Variants in NMT2 observed in about 807,000 individuals in gnomAD.
The protein encoded by NMT2 is N-myristoyltransferase 2, also known as glycylpeptide N-tetradecanoyltransferase 2.
NMT2 carries 35 observed loss-of-function variants against 65.4 expected under a neutral mutation model. That is an observed-to-expected ratio of 0.54 (90% CI 0.41 to 0.71). The LOEUF is 0.71. Ranked by LOEUF, NMT2 falls within the 30% of genes least tolerant of loss-of-function variation. The pLI is 0.00. For missense variants in NMT2, 489 were observed against 611.3 expected (o/e 0.80, Z 2.11); for synonymous variants, 226 against 231.8 (o/e 0.98, Z 0.23).
chr10:15,112,173 T>C (rs867658020), intron 10 of NMT2, among the ~76,000 whole-genome samples: 11 of 62,340 alleles, frequency 1.8e-4, no homozygotes, highest in South Asian at 6.5e-4. Context: ...AGATATGGGC[T>C]TTATATATAT....
chr10:15,131,939 C>G (rs1257943941), intron 6 of NMT2, among the ~76,000 whole-genome samples: 6 of 152,000 alleles, frequency 3.9e-5, no homozygotes, highest in Non-Finnish European at 5.9e-5. Flanking sequence ...AATCTTGGCT[C>G]ACTGCAATCT....
intron 1 of NMT2, among the ~76,000 whole-genome samples, chr10:15,146,675 G>A (rs968844128): frequency 1.3e-5 from 2 of 152,172 alleles, no homozygotes; most frequent in Admixed American, 6.5e-5. Flanking sequence ...CCTCACCATC[G>A]TCAGAACATG....
intron 8 of NMT2, among the ~76,000 whole-genome samples, chr10:15,119,891 G>A (rs1232038483): frequency 6.6e-6 from 1 of 152,170 alleles, no homozygotes; most frequent in Non-Finnish European, 1.5e-5. Flanking sequence ...ATATACCAAT[G>A]CCAAGAATGT....
chr10:15,112,804 C>T lies in NMT2; in HGVS notation c.1330G>A (p.Ala444Thr), dbSNP rs1359274250. 1.2e-6 allele frequency: 2 copies of T among 1,610,886 alleles called. No individual in the cohort carries two copies. Among genetic ancestry groups the T allele is most frequent in the South Asian group, 2.2e-5 (2 of 90,708 alleles). Residue 444 changes from alanine (A) to threonine (T), a missense_variant, in exon 10 of 12, where the codon GCT (alanine) becomes ACT (threonine). Transcript: ENST00000378165. The part of the protein sequence containing the change: ...LDLMSDALIL[A>T]KSKGFDVFNA... ...AGGAAGGAGTGGCTTACCGATTTAGCCAGGATGAGCGCGTCGCTCATGAGG... is the reference window on the plus strand; with the variant it reads ...AGGAAGGAGTGGCTTACCGATTTAGTCAGGATGAGCGCGTCGCTCATGAGG...
At chr10:15,136,261 A>AAAGGGAAGGG (rs1190998681) in intron 2 of NMT2, among the ~76,000 whole-genome samples, 2 of 144,592 alleles carry the variant, frequency 1.4e-5, no homozygotes, top group African/African-American at 2.6e-5. Flanking sequence ...AAGGGAAGGG[A>AAAGGGAAGGG]AAGGGAAGGG....
intron 3 of NMT2, 27 bp from the exon 4 acceptor site, chr10:15,133,390 G>A (rs1554823134): frequency 5.2e-6 from 8 of 1,537,258 alleles, no homozygotes; most frequent in African/African-American, 2.7e-5. Flanking sequence ...AGAGAAAAAA[G>A]AAAGGCAAAA....
rs751332564 is a variant in NMT2, at chr10:15,128,375, G to A, written c.974C>T (p.Thr325Ile). Residue 325 changes from threonine (T) to isoleucine (I), a missense_variant, in exon 8 of 12, where the codon ACA becomes ATA. Transcript: ENST00000378165. ...HLSRNMTLQRTMKLYRLPDVT... is the reference protein window; with the variant it reads ...HLSRNMTLQRIMKLYRLPDVT... ...ATCTGGAAGTCTGTATAGCTTCATTGTTCTCTGTAAAGTCATATTTCTACT... is the reference window on the plus strand; with the variant it reads ...ATCTGGAAGTCTGTATAGCTTCATTATTCTCTGTAAAGTCATATTTCTACT... 3 of 1,603,718 alleles carry A rather than the reference G, an allele frequency of 1.9e-6. No individual in the cohort carries two copies. In the Admixed American group the frequency reaches 5.0e-5, roughly 27 times the overall value.
chr10:15,147,612 T>TA (rs1421886524), intron 1 of NMT2, among the ~76,000 whole-genome samples: 2 of 151,888 alleles, frequency 1.3e-5, no homozygotes, highest in Non-Finnish European at 2.9e-5. Flanking sequence ...AATATAAAAT[T>TA]AGTTTGCTGC....
intron 1 of NMT2, among the ~76,000 whole-genome samples, chr10:15,165,508 T>TC (rs752684782): frequency 6.6e-6 from 1 of 152,154 alleles, no homozygotes; most frequent in East Asian, 1.9e-4. Context: ...AATCCCTTCT[T>TC]CCCCCATGTT....
Position 15,140,544 on chromosome 10 carries a change from G to C in NMT2, c.246+878C>G, listed in dbSNP as rs1332575930. The stretch of plus-strand genomic sequence containing the variant: ...TCTTTTTTTATTTTTTTCAGCCAGG[G>C]TCTCTCACTGTTGTCCAGGATGAAG... On this transcript the variant is annotated intron_variant, in intron 2 of 11. Coordinates refer to ENST00000378165, the MANE Select transcript of NMT2 (RefSeq NM_004808.3). Among the ~76,000 whole-genome samples, 9 of 149,234 alleles carry C rather than the reference G, an allele frequency of 6.0e-5. No individual in the cohort carries two copies. In the East Asian group the frequency reaches 1.8e-3, roughly 29 times the overall value.
Position 15,141,501 on chromosome 10 carries a change from T to G in NMT2, c.167A>C (p.Lys56Thr). The G allele has an allele frequency of 6.2e-7, 1 of 1,614,212 alleles. No individual in the cohort carries two copies. Among genetic ancestry groups the G allele is most frequent in the Non-Finnish European group, 8.5e-7 (1 of 1,180,014 alleles). The change falls in exon 2 of 12, where the codon AAG becomes ACG. Residue 56 changes from lysine (K) to threonine (T), a missense_variant. Physicochemically the swap from Lys to Thr is moderately conservative, Grantham distance 78. Transcript: ENST00000378165. Reference sequence around the variant, plus strand: ...GGTGCCTCCGGAATTTGGTTTCTCCTTTTTTCTCTTCTGTTTCTTCTTTTT... The same window carrying G: ...GGTGCCTCCGGAATTTGGTTTCTCCGTTTTTCTCTTCTGTTTCTTCTTTTT... ...KKKKKKQKRK[K>T]EKPNSGGTKS...
chr10:15,167,564 T>C (rs1250888445), intron 1 of NMT2, among the ~76,000 whole-genome samples: 1 of 152,158 alleles, frequency 6.6e-6, no homozygotes, highest in African/African-American at 2.4e-5. Context: ...TGCCAGCGCA[T>C]AGTTTGAATC....
intron 2 of NMT2, among the ~76,000 whole-genome samples, chr10:15,137,285 C>CT (rs2131562223): frequency 6.6e-6 from 1 of 152,162 alleles, no homozygotes; most frequent in Admixed American, 6.6e-5. Context: ...AGGTGAAAGT[C>CT]TTTTTGTCTC....
chr10:15,108,738 G>A lies in NMT2; in HGVS notation c.*457C>T, dbSNP rs1015633104. The A allele has an allele frequency of 6.9e-6, 7 of 1,020,378 alleles. No homozygotes were observed. The African/African-American group carries it at 1.0e-4, about 15-fold the overall frequency. The allele number at this position is 1,020,378 out of a possible 1,614,324, so 63.2% of individuals were successfully genotyped here. A position where few individuals can be genotyped will look rare whatever the true frequency, so the allele number is the denominator to read the frequency against. The stretch of plus-strand genomic sequence containing the variant: ...AGTGATACCATGTAAGGTGATACCA[G>A]TAAAAAAAATTTCCAAATGGATCTT... On this transcript the variant is annotated 3_prime_UTR_variant, in exon 12 of 12. Transcript: ENST00000378165.
intron 2 of NMT2, among the ~76,000 whole-genome samples, chr10:15,139,293 T>TATCTATCTATCTATCC (rs1343525671): frequency 2.3e-4 from 31 of 136,302 alleles, no homozygotes; most frequent in East Asian, 1.1e-3. Flanking sequence ...TCTATCTATC[T>TATCTATCTATCTATCC]ATCCATCCAT....
intron 1 of NMT2, chr10:15,154,655 G>C (rs1832926476): frequency 2.5e-6 from 1 of 406,320 alleles, no homozygotes; most frequent in Admixed American, 3.4e-5. Context: ...GCATGGAAGG[G>C]GGCAAGGAAA....
intron 2 of NMT2, chr10:15,141,096 T>C (rs1208120366): frequency 7.2e-7 from 1 of 1,386,036 alleles, no homozygotes; most frequent in East Asian, 2.5e-5. Flanking sequence ...CGAAAAGTAA[T>C]CAAATATTAA....
At chr10:15,147,268 G>C (rs906532863) in intron 1 of NMT2, among the ~76,000 whole-genome samples, 1 of 152,054 alleles carries the variant, frequency 6.6e-6, no homozygotes, top group African/African-American at 2.4e-5. Context: ...TTAGTGGTTT[G>C]AGACTAATTA....
intron 1 of NMT2, among the ~76,000 whole-genome samples, chr10:15,161,285 C>T (rs1011482372): frequency 5.3e-5 from 8 of 151,750 alleles, no homozygotes; most frequent in Non-Finnish European, 1.0e-4. Context: ...ACATCATCCA[C>T]GCACTCTAAG....
Sources: allele counts gnomAD v4.1 joint callset (sites outside exome capture counted in the v4.1 genomes callset), GRCh38; gene constraint gnomAD v4.1.1; transcripts MANE v1.5; gene names NCBI Gene and HGNC (gene_info 2026-07-23, HGNC 2026-07-21).